Variants in RELN observed in about 807,000 individuals in gnomAD.
RELN encodes reelin.
A neutral mutation model predicts 427.6 loss-of-function variants in RELN; 108 were observed. That is an observed-to-expected ratio of 0.25 (90% CI 0.22 to 0.30). The LOEUF (loss-of-function observed/expected upper bound fraction) is 0.30, where lower values mean the gene tolerates loss of function less well. Ranked by LOEUF, RELN falls within the 10% of genes least tolerant of loss-of-function variation. The pLI is 1.00. For missense variants in RELN, 3,715 were observed against 4,302.8 expected (o/e 0.86, Z 3.82); for synonymous variants, 1,524 against 1,513.4 (o/e 1.01, Z -0.16).
chr7:103,600,612 C>A (rs1432735590), intron 24 of RELN, among the ~76,000 whole-genome samples: 1 of 152,116 alleles, frequency 6.6e-6, no homozygotes, highest in Non-Finnish European at 1.5e-5. Flanking sequence ...GTTTTCCCTC[C>A]CATAAATCAA....
chr7:103,777,883 TCACA>T lies in RELN; in HGVS notation c.474-1260_474-1257del, dbSNP rs201873652. On this transcript the variant is annotated intron_variant, in intron 3 of 64. Coordinates refer to ENST00000428762, the MANE Select transcript of RELN (RefSeq NM_005045.4). ...TTTCAGCAGTGAAAGTGTTATACCT[TCACA>T]CACACACACACACACACACACACAC... Among the ~76,000 whole-genome samples, 484 of 143,970 alleles carry T rather than the reference TCACA, an allele frequency of 3.4e-3. 3 individuals carry two copies. Among genetic ancestry groups the T allele is most frequent in the African/African-American group, 8.7e-3 (336 of 38,694 alleles). 94.4% of individuals were successfully genotyped at this position (143,970 alleles called of 152,430 possible).
rs764444946 is a variant in RELN, at chr7:103,563,046, G to C, written c.5211-1093C>G. 5.9e-5 allele frequency among the ~76,000 whole-genome samples: 9 copies of C among 152,116 alleles called. No homozygotes were observed. The highest frequency in any genetic ancestry group is 2.2e-4 in the African/African-American group (9 of 41,400). ...TTTGCTCCCCTCTTCTCCTGGATAA[G>C]CCCTACTCAGAGTCAGCTGAGACAT... On this transcript the variant is annotated intron_variant, in intron 34 of 64. Transcript: ENST00000428762. The surrounding 1 kb of genome is among the most constrained non-coding windows in gnomAD (Gnocchi z 4.1).
chr7:103,941,411 T>G (rs992450957), intron 1 of RELN, among the ~76,000 whole-genome samples: 4 of 152,168 alleles, frequency 2.6e-5, no homozygotes, highest in African/African-American at 9.7e-5. Context: ...CAGACTGGCT[T>G]TCTCCCCATT....
At chr7:103,597,173 A>G (rs1264525320) in intron 24 of RELN, among the ~76,000 whole-genome samples, 1 of 152,214 alleles carries the variant, frequency 6.6e-6, no homozygotes, top group Non-Finnish European at 1.5e-5. Flanking sequence ...TAGATGAAAT[A>G]ACATGTTGCA....
At chr7:103,976,044 T>C (rs1329275423) in intron 1 of RELN, among the ~76,000 whole-genome samples, 1 of 152,082 alleles carries the variant, frequency 6.6e-6, no homozygotes, top group East Asian at 1.9e-4. Context: ...AGAGGCCCTA[T>C]GGTTTCAGTG....
intron 42 of RELN, among the ~76,000 whole-genome samples, chr7:103,543,612 A>C (rs1830221999): frequency 6.6e-6 from 1 of 152,110 alleles, no homozygotes; most frequent in Non-Finnish European, 1.5e-5. Flanking sequence ...GTGCCACTTC[A>C]CTCCGGCCTG....
At chr7:103,924,457 G>A (rs1025490808) in intron 1 of RELN, among the ~76,000 whole-genome samples, 4 of 152,090 alleles carry the variant, frequency 2.6e-5, no homozygotes, top group Non-Finnish European at 5.9e-5. Context: ...GAAAGCAAGC[G>A]GAGAATGCCG....
rs537308240 is a variant in RELN at position 103,611,216 on chromosome 7, T to G, written c.2895+395A>C. 8.5e-5 allele frequency among the ~76,000 whole-genome samples: 13 copies of G among 152,304 alleles called. No homozygotes were observed. In the East Asian group the frequency reaches 2.5e-3, roughly 29 times the overall value. ...TTTTATTCCCAGATCTATATATTTC[T>G]TCTTTGTTTCTAAAGACAAGAAATA... On this transcript the variant is annotated intron_variant, in intron 21 of 64. Transcript: ENST00000428762.
At chr7:103,804,308 G>T (rs933613172) in intron 3 of RELN, among the ~76,000 whole-genome samples, 7 of 152,052 alleles carry the variant, frequency 4.6e-5, no homozygotes, top group African/African-American at 1.7e-4. Context: ...TATTAATGAG[G>T]ATAAATCCCA....
chr7:103,597,328 C>T lies in RELN; in HGVS notation c.3334-667G>A, dbSNP rs572922018. On this transcript the variant is annotated intron_variant, in intron 24 of 64. Coordinates refer to ENST00000428762, the MANE Select transcript of RELN (RefSeq NM_005045.4). ...AAAAGAAAGAGTACTTGAGGCCAGG[C>T]GCGGTGGCTCATGCCTGTAATCACA... 4.6e-5 allele frequency among the ~76,000 whole-genome samples: 7 copies of T among 152,250 alleles called. No homozygotes were observed. The East Asian group carries it at 5.8e-4, about 13-fold the overall frequency.
chr7:103,611,426 T>C (rs886680806), intron 21 of RELN, among the ~76,000 whole-genome samples, 185 bp downstream of exon 21: 4 of 152,238 alleles, frequency 2.6e-5, no homozygotes, highest in Non-Finnish European at 4.4e-5. Context: ...ATATCTGTCA[T>C]GAAGAATGTG....
At chr7:103,705,511 T>C (rs565658954) in intron 8 of RELN, among the ~76,000 whole-genome samples, 25 of 152,342 alleles carry the variant, frequency 1.6e-4, no homozygotes, top group African/African-American at 5.8e-4. Context: ...AAACAGATCA[T>C]ACTTAATTTT....
chr7:103,599,248 CT>C (rs577756215), intron 24 of RELN, among the ~76,000 whole-genome samples: 42 of 151,360 alleles, frequency 2.8e-4, no homozygotes, highest in East Asian at 1.9e-3. Context: ...AATTGTCTTT[CT>C]TTTTTTTTCA....
chr7:103,876,809 C>T (rs1794490816), intron 2 of RELN, among the ~76,000 whole-genome samples: 1 of 150,988 alleles, frequency 6.6e-6, no homozygotes, highest in Non-Finnish European at 1.5e-5. Flanking sequence ...ATGAAAAACT[C>T]TTGGTTAAAA....
At chr7:103,918,179 T>C (rs1420710780) in intron 1 of RELN, among the ~76,000 whole-genome samples, 1 of 152,052 alleles carries the variant, frequency 6.6e-6, no homozygotes, top group African/African-American at 2.4e-5. Context: ...ACAAGACACA[T>C]ATCAATAGAA....
chr7:103,525,507 T>A (rs1168933355), intron 46 of RELN, among the ~76,000 whole-genome samples: 1 of 152,178 alleles, frequency 6.6e-6, no homozygotes, highest in Non-Finnish European at 1.5e-5. Flanking sequence ...AATGTGGAAA[T>A]GCACTCACCC....
chr7:103,856,669 T>C lies in RELN; in HGVS notation c.338-22997A>G, dbSNP rs190502649. 1.8e-3 allele frequency among the ~76,000 whole-genome samples: 268 copies of C among 151,898 alleles called. 1 individual carries two copies. The highest frequency in any genetic ancestry group is 3.1e-3 in the Non-Finnish European group (212 of 67,980). On this transcript the variant is annotated intron_variant, in intron 2 of 64. Transcript: ENST00000428762. ...TAGCTTTGCAATTGGAAATCGTATA[T>C]AGGAGTAAGCATGGCTTTTTCAATT...
intron 22 of RELN, among the ~76,000 whole-genome samples, chr7:103,607,752 T>G (rs973134561): frequency 6.6e-6 from 1 of 152,216 alleles, no homozygotes; most frequent in Non-Finnish European, 1.5e-5. Flanking sequence ...GACTAAATTG[T>G]ATTTTCCACC....
chr7:103,776,854 T>G, intron 3 of RELN, among the ~76,000 whole-genome samples: 1 of 152,256 alleles, frequency 6.6e-6, no homozygotes, highest in East Asian at 1.9e-4. Context: ...ACTGTAACAG[T>G]TGTGAGCTTG....
Sources: allele counts gnomAD v4.1 joint callset (sites outside exome capture counted in the v4.1 genomes callset), GRCh38; gene constraint gnomAD v4.1.1; non-coding constraint Gnocchi (gnomAD v3.1); transcripts MANE v1.5; gene names NCBI Gene and HGNC (gene_info 2026-07-23, HGNC 2026-07-21).